UBE2R2: variants seen among roughly 807,000 people sequenced by gnomAD.
UBE2R2 encodes the protein ubiquitin conjugating enzyme E2 R2, also known as ubiquitin-conjugating enzyme E2 R2.
A neutral mutation model predicts 27.8 loss-of-function variants in UBE2R2; 1 was observed. That is an observed-to-expected ratio of 0.04 (90% CI 0.01 to 0.17). The LOEUF (loss-of-function observed/expected upper bound fraction) is 0.17. Among genes scored for constraint, UBE2R2 ranks in the 10% least tolerant of loss-of-function variants. The pLI is 1.00. For missense variants in UBE2R2, 100 were observed against 291.0 expected, an observed-to-expected ratio of 0.34 and a Z score of 4.78; for synonymous variants, 106 against 113.3, an observed-to-expected ratio of 0.94 and a Z score of 0.41.
At chr9:33,826,246 AT>A (rs2130718107) in intron 1 of UBE2R2, among the ~76,000 whole-genome samples, 1 of 152,186 alleles carries the variant, frequency 6.6e-6, no homozygotes, top group South Asian at 2.1e-4. Flanking sequence ...TTATTCAGAG[AT>A]TATGCTTATG....
chr9:33,904,958 T>C (rs763999396), intron 3 of UBE2R2, among the ~76,000 whole-genome samples: 26 of 152,256 alleles, frequency 1.7e-4, no homozygotes, highest in Non-Finnish European at 2.8e-4. Flanking sequence ...GGAAACAAAA[T>C]GTGCCTTAAT....
intron 1 of UBE2R2, among the ~76,000 whole-genome samples, chr9:33,842,919 G>T (rs1820760172): frequency 6.7e-6 from 1 of 150,212 alleles, no homozygotes; most frequent in African/African-American, 2.5e-5. Flanking sequence ...CATGCCTGTA[G>T]TTCCAGCTAC....
chr9:33,844,890 C>T (rs987768550), intron 1 of UBE2R2, among the ~76,000 whole-genome samples: 5 of 151,680 alleles, frequency 3.3e-5, no homozygotes, highest in African/African-American at 4.8e-5. Context: ...CCTCACCCTC[C>T]GGAGTAGCTG....
chr9:33,840,358 A>G (rs569738850), intron 1 of UBE2R2, among the ~76,000 whole-genome samples: 1 of 152,198 alleles, frequency 6.6e-6, no homozygotes, highest in Non-Finnish European at 1.5e-5. Context: ...ACATTCTTAG[A>G]CATTATATTT....
At chr9:33,861,847 CTTTTTTT>C (rs775634986) in intron 1 of UBE2R2, among the ~76,000 whole-genome samples, 2 of 95,456 alleles carry the variant, frequency 2.1e-5, no homozygotes, top group Non-Finnish European at 2.1e-5. Flanking sequence ...GATCCACTTT[CTTTTTTT>C]TTTTTTTTTT....
chr9:33,842,549 A>G (rs931038316), intron 1 of UBE2R2, among the ~76,000 whole-genome samples: 1 of 152,226 alleles, frequency 6.6e-6, no homozygotes, highest in African/African-American at 2.4e-5. Flanking sequence ...TTTCATTAAA[A>G]TGGATTGCTC....
chr9:33,829,417 A>T (rs1286624153), intron 1 of UBE2R2, among the ~76,000 whole-genome samples: 2 of 152,132 alleles, frequency 1.3e-5, no homozygotes, highest in Admixed American at 1.3e-4. Flanking sequence ...AAGTGATGAG[A>T]GATTACCTAA....
At chr9:33,862,510 A>G (rs10971745) in intron 1 of UBE2R2, among the ~76,000 whole-genome samples, 31,560 of 152,086 alleles carry the variant, frequency 0.21, 3,967 homozygotes, top group East Asian at 0.59. Flanking sequence ...GCTGAATTAC[A>G]TGCCGTGTGC....
At chr9:33,906,870 C>T (rs1485402356) in intron 3 of UBE2R2, among the ~76,000 whole-genome samples, 1 of 152,122 alleles carries the variant, frequency 6.6e-6, no homozygotes, top group Non-Finnish European at 1.5e-5. Context: ...GATTCCATCT[C>T]TACCAAAAAA....
At chr9:33,911,546 T>C (rs1822490922) in intron 3 of UBE2R2, among the ~76,000 whole-genome samples, 1 of 151,080 alleles carries the variant, frequency 6.6e-6, no homozygotes. Context: ...ATTTTTAAAA[T>C]AAACAGTATT....
intron 1 of UBE2R2, among the ~76,000 whole-genome samples, chr9:33,822,445 GAGAT>G (rs992304105): frequency 4.7e-5 from 6 of 128,564 alleles, no homozygotes; most frequent in Non-Finnish European, 9.8e-5. Flanking sequence ...TTTTTTTTAA[GAGAT>G]AGGGTCTCAC....
intron 1 of UBE2R2, among the ~76,000 whole-genome samples, chr9:33,863,487 C>G (rs915064902): frequency 1.3e-5 from 2 of 151,016 alleles, no homozygotes; most frequent in African/African-American, 4.9e-5. Context: ...TGCCAGTGTA[C>G]TTCAGCCTGG....
chr9:33,848,801 A>C (rs1296870584), intron 1 of UBE2R2, among the ~76,000 whole-genome samples: 1 of 151,748 alleles, frequency 6.6e-6, no homozygotes, highest in East Asian at 1.9e-4. Context: ...GACAGGTTTC[A>C]CCAGGTTGAC....
intron 1 of UBE2R2, among the ~76,000 whole-genome samples, chr9:33,859,799 T>TGTGAGAGAGAGAGAGAGAGAGA: frequency 1.2e-5 from 1 of 86,586 alleles, no homozygotes; most frequent in African/African-American, 4.6e-5. Context: ...TGTGTGTGTG[T>TGTGAGAGAGAGAGAGAGAGAGA]GAGAGAGAGA....
At chr9:33,860,982 G>A (rs188739430) in intron 1 of UBE2R2, among the ~76,000 whole-genome samples, 20 of 143,870 alleles carry the variant, frequency 1.4e-4, no homozygotes, top group South Asian at 4.4e-4. Context: ...TTTTTGAGAC[G>A]GAGTCTCGCT....
At chr9:33,822,804 G>A (rs1396962238) in intron 1 of UBE2R2, among the ~76,000 whole-genome samples, 1 of 150,962 alleles carries the variant, frequency 6.6e-6, no homozygotes, top group Admixed American at 6.6e-5. Flanking sequence ...TCTATTTTCT[G>A]CCTTCCCTCT....
upstream of UBE2R2, among the ~76,000 whole-genome samples, chr9:33,815,538 G>A (rs1164706072): frequency 6.6e-6 from 1 of 152,078 alleles, no homozygotes; most frequent in Admixed American, 6.5e-5. Flanking sequence ...TGAGGTCAAG[G>A]GTTGGAGACC....
intron 1 of UBE2R2, among the ~76,000 whole-genome samples, chr9:33,820,739 C>T (rs920135517): frequency 2.0e-5 from 3 of 152,212 alleles, no homozygotes; most frequent in African/African-American, 4.8e-5. Flanking sequence ...GGCAGTGGGA[C>T]TGCCAGTCAT....
At chr9:33,822,664 A>G (rs898394573) in intron 1 of UBE2R2, among the ~76,000 whole-genome samples, 2 of 149,720 alleles carry the variant, frequency 1.3e-5, no homozygotes, top group Non-Finnish European at 1.5e-5. Context: ...GCTTCAAACA[A>G]TCCTCCCACC....
Sources: allele counts gnomAD v4.1 joint callset (sites outside exome capture counted in the v4.1 genomes callset), GRCh38; gene constraint gnomAD v4.1.1; transcripts MANE v1.5; gene names NCBI Gene and HGNC (gene_info 2026-07-23, HGNC 2026-07-21).